Variants in AOPEP observed in about 807,000 individuals in gnomAD.
AOPEP encodes aminopeptidase O (putative), also known as aminopeptidase O.
In AOPEP, 77 loss-of-function variants were observed where a neutral mutation model predicts 98.1. The ratio of observed to expected loss-of-function variants is 0.78; its 90% CI spans 0.65 to 0.95. The LOEUF is 0.95. Among genes scored for constraint, AOPEP ranks in the 40% least tolerant of loss-of-function variants. The probability of loss-of-function intolerance (pLI) is 0.00; values close to 1 mark genes in which losing one functional copy is unlikely to be tolerated. For missense variants in AOPEP, 1,024 were observed against 1,024.7 expected, an observed-to-expected ratio of 1.00 and a Z score of 0.01; for synonymous variants, 346 against 365.3, an observed-to-expected ratio of 0.95 and a Z score of 0.60.
intron 13 of AOPEP, among the ~76,000 whole-genome samples, chr9:95,030,726 T>C (rs1451886412): frequency 2.0e-5 from 3 of 152,214 alleles, no homozygotes; most frequent in Non-Finnish European, 4.4e-5. Context: ...TTTCAGAATC[T>C]CAGGGGACAC....
chr9:95,115,353 C>G, the AOPEP span, among the ~76,000 whole-genome samples: 2 of 152,192 alleles, frequency 1.3e-5, no homozygotes, highest in Non-Finnish European at 2.9e-5. Flanking sequence ...TCTTTTCTAC[C>G]TACACACTCC....
intron 5 of AOPEP, among the ~76,000 whole-genome samples, chr9:94,836,572 A>C (rs1199690339): frequency 2.6e-5 from 4 of 152,086 alleles, no homozygotes; most frequent in Non-Finnish European, 5.9e-5. Flanking sequence ...TTGAGTTTTG[A>C]GAGTTCCATT....
the AOPEP span, among the ~76,000 whole-genome samples, chr9:95,092,923 A>C: frequency 4.6e-5 from 7 of 152,170 alleles, no homozygotes; most frequent in Non-Finnish European, 8.8e-5. Flanking sequence ...CTGCATTCTG[A>C]CCCTATGATT....
chr9:94,959,167 C>T (rs950677145), intron 9 of AOPEP, among the ~76,000 whole-genome samples: 1 of 152,084 alleles, frequency 6.6e-6, no homozygotes, highest in African/African-American at 2.4e-5. Flanking sequence ...CCTCAGCCTC[C>T]CGAGTAGCTG....
the AOPEP span, among the ~76,000 whole-genome samples, chr9:95,097,817 C>G: frequency 6.6e-6 from 1 of 152,148 alleles, no homozygotes; most frequent in African/African-American, 2.4e-5. Context: ...AATTGTGGAA[C>G]TGGATTTTAG....
At chr9:95,009,203 C>CT (rs763516476) in intron 13 of AOPEP, among the ~76,000 whole-genome samples, 2 of 151,514 alleles carry the variant, frequency 1.3e-5, no homozygotes, top group Non-Finnish European at 2.9e-5. Context: ...GAGGAATGCA[C>CT]TTTTTTTTCT....
the AOPEP span, among the ~76,000 whole-genome samples, chr9:95,130,335 G>A: frequency 6.6e-6 from 1 of 151,986 alleles, no homozygotes; most frequent in South Asian, 2.1e-4. Context: ...TAGGGAAAAG[G>A]AGAGGGACAG....
chr9:95,103,631 A>T, the AOPEP span, among the ~76,000 whole-genome samples: 3 of 152,326 alleles, frequency 2.0e-5, no homozygotes, highest in Admixed American at 2.0e-4. Context: ...CAGGAGCCAG[A>T]GAGGCAGGAG....
At chr9:95,103,863 G>A in the AOPEP span, among the ~76,000 whole-genome samples, 3 of 152,238 alleles carry the variant, frequency 2.0e-5, no homozygotes, top group Non-Finnish European at 2.9e-5. Flanking sequence ...GGAGCCACTC[G>A]CTCAAGCCAT....
chr9:94,876,117 C>T (rs140429351), intron 5 of AOPEP, among the ~76,000 whole-genome samples: 1,894 of 152,274 alleles, frequency 0.012, 20 homozygotes, highest in Non-Finnish European at 0.019. Context: ...TCTAATTGGT[C>T]ATAGTCCTTG....
chr9:94,832,390 G>T (rs1156285767), intron 5 of AOPEP, among the ~76,000 whole-genome samples: 3 of 152,170 alleles, frequency 2.0e-5, no homozygotes, highest in African/African-American at 7.2e-5. Flanking sequence ...TATGAGGTTG[G>T]CAGACATCCA....
At chr9:94,955,846 TA>T in intron 8 of AOPEP, 61 bp from the exon 9 acceptor site, 1 of 1,179,896 alleles carries the variant, frequency 8.5e-7, no homozygotes, top group Non-Finnish European at 1.2e-6. Flanking sequence ...GCTGACTATA[TA>T]ACCATTTTTT....
At chr9:94,967,924 C>T in intron 10 of AOPEP, 123 bp downstream of exon 10, 1 of 788,098 alleles carries the variant, frequency 1.3e-6, no homozygotes, top group Non-Finnish European at 2.2e-6. Flanking sequence ...GAGGCAAGGA[C>T]CTAGTTCTGC....
intron 5 of AOPEP, among the ~76,000 whole-genome samples, chr9:94,801,300 G>T (rs1385366396): frequency 6.6e-6 from 1 of 152,244 alleles, no homozygotes; most frequent in Non-Finnish European, 1.5e-5. Flanking sequence ...GATCATGGCT[G>T]ATCAGTGGCT....
At chr9:94,811,694 C>T (rs1370860668) in intron 5 of AOPEP, among the ~76,000 whole-genome samples, 1 of 152,180 alleles carries the variant, frequency 6.6e-6, no homozygotes, top group East Asian at 1.9e-4. Flanking sequence ...GGAAATTGCA[C>T]CCAGAAAGCC....
intron 13 of AOPEP, among the ~76,000 whole-genome samples, chr9:95,041,781 C>T (rs912218124): frequency 6.6e-6 from 1 of 151,990 alleles, no homozygotes; most frequent in African/African-American, 2.4e-5. Flanking sequence ...TTTGCCTCGG[C>T]CTCCGTGGCG....
chr9:94,777,537 A>G (rs1004398941), intron 3 of AOPEP, among the ~76,000 whole-genome samples: 2 of 151,944 alleles, frequency 1.3e-5, no homozygotes, highest in East Asian at 3.8e-4. Context: ...GACGAAGTGT[A>G]AATAAAAATG....
At chr9:95,083,613 C>T (rs1266573352) in intron 16 of AOPEP, among the ~76,000 whole-genome samples, 2 of 150,646 alleles carry the variant, frequency 1.3e-5, no homozygotes, top group African/African-American at 2.4e-5. Flanking sequence ...CCACACGTAG[C>T]GCGCACACTG....
At chr9:94,732,016 C>T (rs1830663239) in intron 1 of AOPEP, among the ~76,000 whole-genome samples, 1 of 152,056 alleles carries the variant, frequency 6.6e-6, no homozygotes, top group Non-Finnish European at 1.5e-5. Context: ...AACTCCTGAC[C>T]TCAAGTGATC....
Sources: gnomAD v4.1 joint callset for allele counts (sites outside exome capture counted in the v4.1 genomes callset) on GRCh38, gnomAD v4.1.1 for gene constraint, MANE v1.5 for transcripts, NCBI Gene and HGNC (gene_info 2026-07-23, HGNC 2026-07-21) for gene names.